Variants in COL5A1 observed in about 807,000 individuals in gnomAD.
The protein encoded by COL5A1 is collagen alpha-1(V) chain.
COL5A1 carries 16 observed loss-of-function variants against 263.7 expected under a neutral mutation model. The observed-to-expected ratio is 0.06, with a 90% CI of 0.04 to 0.09. The LOEUF is 0.09. COL5A1 is among the 10% of genes least tolerant of loss of function. The pLI is 1.00. For missense variants in COL5A1, 2,036 were observed against 2,540.5 expected (o/e 0.80, Z 4.27); for synonymous variants, 1,012 against 1,004.5 (o/e 1.01, Z -0.14).
chr9:134,811,849 C>T (rs531874739), intron 46 of COL5A1, among the ~76,000 whole-genome samples: 3 of 152,320 alleles, frequency 2.0e-5, no homozygotes, highest in East Asian at 3.9e-4. Flanking sequence ...TCGTGAGAAA[C>T]ATAGTAACAG....
intron 28 of COL5A1, among the ~76,000 whole-genome samples, chr9:134,781,755 C>G (rs559900616): frequency 1.1e-4 from 16 of 152,300 alleles, no homozygotes; most frequent in Non-Finnish European, 2.2e-4. Context: ...CAGCTTCCAG[C>G]ACTATGTGAA....
Position 134,825,916 on chromosome 9 carries a change from T to G in COL5A1, c.5067+12T>G. ...AGAAGTCCGAAGGGGTGAGTAGCTGTGTCCCTCCATGGCCCCAGCGGGGCA... is the reference window on the plus strand; with the variant it reads ...AGAAGTCCGAAGGGGTGAGTAGCTGGGTCCCTCCATGGCCCCAGCGGGGCA... On this transcript the variant is annotated intron_variant, in intron 63 of 65. Transcript: ENST00000371817. 6.4e-7 allele frequency: 1 copy of G among 1,572,968 alleles called. No individual in the cohort carries two copies. Among genetic ancestry groups the G allele is most frequent in the Non-Finnish European group, 8.7e-7 (1 of 1,143,154 alleles).
At chr9:134,825,938 G>A in intron 63 of COL5A1, 34 bp downstream of exon 63, 2 of 1,452,640 alleles carry the variant, frequency 1.4e-6, no homozygotes, top group Non-Finnish European at 1.9e-6. Context: ...GCCCCAGCGG[G>A]GCAGGCGTCA....
intron 11 of COL5A1, among the ~76,000 whole-genome samples, chr9:134,743,172 A>G (rs1376502960): frequency 1.3e-5 from 2 of 152,030 alleles, no homozygotes; most frequent in East Asian, 1.9e-4. Flanking sequence ...AAAGCCTTGC[A>G]CCCCAGGCAC....
Position 134,842,522 on chromosome 9 carries a change from T to G in COL5A1, c.*219T>G. The G allele has an allele frequency of 1.6e-6, 1 of 616,600 alleles. No individual in the cohort carries two copies. Among genetic ancestry groups the G allele is most frequent in the Non-Finnish European group, 2.9e-6 (1 of 349,426 alleles). 38.2% of individuals were successfully genotyped at this position (616,600 alleles called of 1,614,324 possible). A position where few individuals can be genotyped will look rare whatever the true frequency, so the allele number is the denominator to read the frequency against. On this transcript the variant is annotated 3_prime_UTR_variant, in exon 66 of 66. Transcript: ENST00000371817. This position sits in a 1 kb window ranked among gnomAD's most constrained non-coding sequence, Gnocchi z 5.8. ...CCACCTGGAGCTGAATCACATGACC[T>G]AGCTGCACCCCAGCGCCTGGGCCCG...
At chr9:134,687,643 A>G (rs1833126755) in intron 1 of COL5A1, among the ~76,000 whole-genome samples, 1 of 152,158 alleles carries the variant, frequency 6.6e-6, no homozygotes, top group African/African-American at 2.4e-5. Flanking sequence ...GCACAGCTGC[A>G]TGGTCCTTCA....
At chr9:134,834,565 C>A (rs1839774934) in intron 64 of COL5A1, among the ~76,000 whole-genome samples, 1 of 152,150 alleles carries the variant, frequency 6.6e-6, no homozygotes. Context: ...AAGAAGGATG[C>A]CATCCTGCCC....
intron 4 of COL5A1, among the ~76,000 whole-genome samples, chr9:134,717,277 G>A (rs773192154): frequency 1.3e-5 from 2 of 152,174 alleles, no homozygotes; most frequent in Admixed American, 6.5e-5. Flanking sequence ...GGGAAGCCCC[G>A]TGCAAGAGAC....
chr9:134,808,683 T>C (rs1815676764), intron 42 of COL5A1, among the ~76,000 whole-genome samples: 1 of 152,214 alleles, frequency 6.6e-6, no homozygotes. Context: ...TGTGTGCATG[T>C]ATGCACATGT....
intron 41 of COL5A1, 54 bp from the exon 42 acceptor site, chr9:134,806,135 C>T (rs965595521): frequency 6.2e-5 from 84 of 1,344,902 alleles, no homozygotes; most frequent in East Asian, 3.0e-4. Flanking sequence ...TACAAAGTCA[C>T]GACCACGCAG....
At chr9:134,656,481 C>T (rs977771174) in intron 1 of COL5A1, among the ~76,000 whole-genome samples, 1 of 152,190 alleles carries the variant, frequency 6.6e-6, no homozygotes, top group Non-Finnish European at 1.5e-5. Context: ...TGATCTGAGG[C>T]AGCTTATCTG....
chr9:134,803,665 A>G (rs1838191188), intron 39 of COL5A1, among the ~76,000 whole-genome samples: 1 of 151,354 alleles, frequency 6.6e-6, no homozygotes, highest in African/African-American at 2.4e-5. Context: ...ACACAGTGAA[A>G]CCCCGTTTCT....
rs117721261 is a variant in COL5A1, at chr9:134,642,592, A to G, written c.109+296A>G. Among the ~76,000 whole-genome samples the G allele has an allele frequency of 0.013, 2,049 of 152,304 alleles. 22 individuals carry two copies. The highest frequency in any genetic ancestry group is 0.021 in the Non-Finnish European group (1,456 of 68,004). ...GGAGGGGTTGTCCACGAGGCGGGCA[A>G]ACTTTTGTCCCAAAAACCTTCCTTC... On this transcript the variant is annotated intron_variant, in intron 1 of 65. Coordinates refer to ENST00000371817, the MANE Select transcript of COL5A1 (RefSeq NM_000093.5). The surrounding 1 kb of genome is among the most constrained non-coding windows in gnomAD (Gnocchi z 4.5).
chr9:134,812,819 CTTGTGGGGGTGCAT>C, intron 48 of COL5A1, 107 bp downstream of exon 48: 1 of 817,822 alleles, frequency 1.2e-6, no homozygotes, highest in Non-Finnish European at 2.1e-6. Flanking sequence ...CATGCACACG[CTTGTGGGGGTGCAT>C]ACACGTGTGT....
chr9:134,798,324 CG>C, intron 36 of COL5A1, 83 bp from the exon 37 acceptor site: 3 of 1,258,870 alleles, frequency 2.4e-6, no homozygotes, highest in Non-Finnish European at 3.5e-6. Flanking sequence ...ATGGAAATAA[CG>C]GTCACTCCAC....
chr9:134,683,476 G>A (rs1397936850), intron 1 of COL5A1, among the ~76,000 whole-genome samples: 1 of 152,202 alleles, frequency 6.6e-6, no homozygotes, highest in Non-Finnish European at 1.5e-5. Flanking sequence ...TCTACTTGGC[G>A]TTAGCATAAA....
In COL5A1 at chr9:134,653,634, A is replaced by G. The variant is rs542107007; in HGVS notation, c.109+11338A>G. On this transcript the variant is annotated intron_variant, in intron 1 of 65. Coordinates refer to ENST00000371817, the MANE Select transcript of COL5A1 (RefSeq NM_000093.5). ...CTCGGTCCACAGGACCAGGCTCTGCAGAGCCAGGGATCTGTAGGACTGCAG... is the reference window on the plus strand; with the variant it reads ...CTCGGTCCACAGGACCAGGCTCTGCGGAGCCAGGGATCTGTAGGACTGCAG... 3.9e-5 allele frequency among the ~76,000 whole-genome samples: 6 copies of G among 152,316 alleles called. No homozygotes were observed. The East Asian group carries it at 1.2e-3, about 29-fold the overall frequency.
At chr9:134,714,431 TTTA>T (rs1388663170) in intron 4 of COL5A1, among the ~76,000 whole-genome samples, 2 of 42,022 alleles carry the variant, frequency 4.8e-5, no homozygotes, top group Non-Finnish European at 1.1e-4. Flanking sequence ...GATGGTGATG[TTTA>T]TGGTGGTGGA....
At chr9:134,768,515 G>A (rs758380551) in intron 25 of COL5A1, 52 bp downstream of exon 25, 1 of 1,567,098 alleles carries the variant, frequency 6.4e-7, no homozygotes, top group African/African-American at 1.4e-5. Context: ...CCTCCACCCT[G>A]CGGATAGGGC....
Sources: gnomAD v4.1 joint callset for allele counts (sites outside exome capture counted in the v4.1 genomes callset) on GRCh38, gnomAD v4.1.1 for gene constraint, Gnocchi (gnomAD v3.1) non-coding constraint, MANE v1.5 for transcripts, NCBI Gene and HGNC (gene_info 2026-07-23, HGNC 2026-07-21) for gene names.